The following DNER variants were observed in gnomAD, a reference collection of about 807,000 sequenced individuals.
The protein encoded by DNER is delta and Notch-like epidermal growth factor-related receptor.
DNER carries 33 observed loss-of-function variants against 78.2 expected under a neutral mutation model. That is an observed-to-expected ratio of 0.42 (90% CI 0.32 to 0.56). DNER has a LOEUF of 0.56. DNER is among the 20% of genes least tolerant of loss of function. DNER has a pLI of 0.11. For missense variants in DNER, 918 were observed against 975.3 expected, an observed-to-expected ratio of 0.94 and a Z score of 0.78; for synonymous variants, 417 against 384.8, an observed-to-expected ratio of 1.08 and a Z score of -0.98.
At chr2:229,399,922 C>A (rs779714017) in intron 10 of DNER, among the ~76,000 whole-genome samples, 1 of 151,848 alleles carries the variant, frequency 6.6e-6, no homozygotes, top group African/African-American at 2.4e-5. Flanking sequence ...ATGGAACAAC[C>A]TCACAAAGGG....
chr2:229,481,108 C>G (rs577683952), intron 6 of DNER, among the ~76,000 whole-genome samples: 19 of 152,260 alleles, frequency 1.2e-4, no homozygotes, highest in Admixed American at 1.2e-3. Context: ...ATGAGGGTAG[C>G]CTGATGCTCT....
rs113987585 is a variant in DNER at position 229,673,645 on chromosome 2, G to A, written c.276+40503C>T. 8.5e-5 allele frequency among the ~76,000 whole-genome samples: 13 copies of A among 152,254 alleles called. No individual in the cohort carries two copies. In the South Asian group the frequency reaches 1.0e-3, roughly 12 times the overall value. ...CACTGTTCCAGGAAGACCCATGGCC[G>A]ATCATTCCTTAGCTCAGAATGCCAG... is the stretch of plus-strand genomic sequence containing the variant. On this transcript the variant is annotated intron_variant, in intron 1 of 12. Transcript: ENST00000341772.
At position 229,714,533 on chromosome 2, in the gene DNER, C is replaced by T. The variant is rs1405182040; in HGVS notation, c.-110G>A. ...ACGGTGGCGGCTAGGGCTGCTCCGC[C>T]GGGCCGGGCGCCTCCTGCAGCTGCG... is the stretch of plus-strand genomic sequence containing the variant. On this transcript the variant is annotated 5_prime_UTR_variant, in exon 1 of 13. Coordinates refer to ENST00000341772, the MANE Select transcript of DNER (RefSeq NM_139072.4). 2 of 1,018,154 alleles carry T rather than the reference C, an allele frequency of 2.0e-6. No individual in the cohort carries two copies. The highest frequency in any genetic ancestry group is 1.2e-6 in the Non-Finnish European group (1 of 852,844). 63.1% of individuals were successfully genotyped at this position (1,018,154 alleles called of 1,614,324 possible).
intron 6 of DNER, among the ~76,000 whole-genome samples, chr2:229,509,202 A>G (rs1695812268): frequency 6.6e-6 from 1 of 152,228 alleles, no homozygotes. Flanking sequence ...CCCTTTGAGA[A>G]CAAACCTAGA....
intron 6 of DNER, among the ~76,000 whole-genome samples, chr2:229,488,135 G>A (rs7556846): frequency 0.12 from 19,035 of 152,300 alleles, 1,334 homozygotes; most frequent in South Asian, 0.2. Context: ...AACTCCAAGA[G>A]GGATGTCGAA....
chr2:229,555,533 A>T (rs1358698071), intron 4 of DNER, among the ~76,000 whole-genome samples: 1 of 152,200 alleles, frequency 6.6e-6, no homozygotes, highest in Non-Finnish European at 1.5e-5. Flanking sequence ...ATCTGTGCTC[A>T]GGCGTAAAAC....
intron 9 of DNER, 93 bp from the exon 10 acceptor site, chr2:229,407,438 C>A (rs149454007): frequency 5.5e-6 from 6 of 1,085,242 alleles, no homozygotes; most frequent in Non-Finnish European, 8.2e-6. Context: ...TGGAACAATG[C>A]GAGGGAGATT....
intron 4 of DNER, among the ~76,000 whole-genome samples, chr2:229,562,999 ACATCATCACCCCACCACCATCAT>A (rs1696990966): frequency 1.4e-5 from 2 of 145,216 alleles, no homozygotes; most frequent in African/African-American, 5.2e-5. Context: ...ATCATCATCA[ACATCATCACCCCACCACCATCAT>A]CATCATCCTC....
At chr2:229,650,072 C>CAAAAAAAA (rs34030074) in intron 1 of DNER, among the ~76,000 whole-genome samples, 1 of 93,166 alleles carries the variant, frequency 1.1e-5, no homozygotes, top group Non-Finnish European at 2.3e-5. Context: ...AAGACTCCGT[C>CAAAAAAAA]AAAAAAAAAA....
At chr2:229,447,986 C>G (rs183618095) in intron 7 of DNER, among the ~76,000 whole-genome samples, 1 of 152,158 alleles carries the variant, frequency 6.6e-6, no homozygotes, top group East Asian at 1.9e-4. Flanking sequence ...ATGACATAAT[C>G]CTGAATTCAA....
chr2:229,449,969 A>G (rs1004024170), intron 7 of DNER, among the ~76,000 whole-genome samples: 1 of 152,092 alleles, frequency 6.6e-6, no homozygotes, highest in African/African-American at 2.4e-5. Flanking sequence ...TTTAGTTGAG[A>G]CGGGGCTTTA....
intron 1 of DNER, among the ~76,000 whole-genome samples, chr2:229,611,197 T>A (rs1698039096): frequency 6.6e-6 from 1 of 152,246 alleles, no homozygotes; most frequent in Admixed American, 6.5e-5. Flanking sequence ...TAAATGTATT[T>A]TTTTCTTTCA....
Position 229,591,595 on chromosome 2 carries a change from T to C in DNER, c.570A>G (p.Lys190=). 1.2e-6 allele frequency: 2 copies of C among 1,614,006 alleles called. No individual in the cohort carries two copies. ...PKTGQKVVEM[K]WDQVEVIPDI... ...ACGTTCTCACCTCCACTTGATCCCATTTCATTTCTACAACTTTCTGCCCTG... is the reference window on the plus strand; with the variant it reads ...ACGTTCTCACCTCCACTTGATCCCACTTCATTTCTACAACTTTCTGCCCTG... The change falls in exon 2 of 13, where the codon AAA becomes AAG. Residue 190 remains lysine, a synonymous_variant. Coordinates refer to ENST00000341772, the MANE Select transcript of DNER (RefSeq NM_139072.4). The surrounding 1 kb of genome is among the most constrained non-coding windows in gnomAD (Gnocchi z 4.6).
chr2:229,640,172 A>G (rs1698592064), intron 1 of DNER, among the ~76,000 whole-genome samples: 1 of 152,228 alleles, frequency 6.6e-6, no homozygotes, highest in South Asian at 2.1e-4. Flanking sequence ...AAACAACTAT[A>G]AAAGGCTAAT....
chr2:229,688,054 T>C (rs1015771348), intron 1 of DNER, among the ~76,000 whole-genome samples: 6 of 152,236 alleles, frequency 3.9e-5, no homozygotes, highest in Admixed American at 3.9e-4. Context: ...AAACCTTTCA[T>C]CTCTCATCAA....
At chr2:229,525,078 C>T (rs1696183486) in intron 5 of DNER, among the ~76,000 whole-genome samples, 1 of 152,164 alleles carries the variant, frequency 6.6e-6, no homozygotes, top group Non-Finnish European at 1.5e-5. Context: ...TCCTCATTCC[C>T]ATGGGGCTCT....
chr2:229,557,695 A>T (rs1056595470), intron 4 of DNER, among the ~76,000 whole-genome samples: 2 of 152,158 alleles, frequency 1.3e-5, no homozygotes, highest in African/African-American at 4.8e-5. Flanking sequence ...GTGATGGGAA[A>T]AGAAAACCAA....
intron 10 of DNER, among the ~76,000 whole-genome samples, chr2:229,391,628 G>A (rs570263362): frequency 4.3e-4 from 66 of 151,956 alleles, no homozygotes; most frequent in African/African-American, 1.4e-3. Flanking sequence ...TGCAACCTCC[G>A]CCTCCCAGGT....
chr2:229,469,832 A>C (rs1694886397), intron 7 of DNER, among the ~76,000 whole-genome samples: 1 of 152,090 alleles, frequency 6.6e-6, no homozygotes, highest in South Asian at 2.1e-4. Flanking sequence ...AATCCCACCT[A>C]CTCAGGAAGC....
Sources: gnomAD v4.1 joint callset for allele counts (sites outside exome capture counted in the v4.1 genomes callset) on GRCh38, gnomAD v4.1.1 for gene constraint, Gnocchi (gnomAD v3.1) non-coding constraint, MANE v1.5 for transcripts, NCBI Gene and HGNC (gene_info 2026-07-23, HGNC 2026-07-21) for gene names.